Variants in MICU1 observed in about 807,000 individuals in gnomAD.
The protein encoded by MICU1 is calcium uptake protein 1, mitochondrial.
MICU1 carries 45 observed loss-of-function variants against 56.8 expected under a neutral mutation model. The ratio of observed to expected loss-of-function variants is 0.79; its 90% CI spans 0.62 to 1.02. MICU1 has a LOEUF of 1.02. MICU1 is among the 50% of genes least tolerant of loss of function. MICU1 has a pLI of 0.00. For missense variants in MICU1, 504 were observed against 587.1 expected (o/e 0.86, Z 1.46); for synonymous variants, 186 against 195.1 (o/e 0.95, Z 0.39).
chr10:72,424,636 G>A (rs556054381), intron 8 of MICU1, among the ~76,000 whole-genome samples: 1 of 152,180 alleles, frequency 6.6e-6, no homozygotes. Flanking sequence ...CACTATAACA[G>A]CCTACAGAGC....
chr10:72,522,109 G>T (rs948939661), intron 5 of MICU1, among the ~76,000 whole-genome samples: 5 of 151,990 alleles, frequency 3.3e-5, no homozygotes, highest in African/African-American at 1.2e-4. Context: ...ATAAATAGAT[G>T]GTCAGGCTAA....
chr10:72,498,326 C>T (rs1184984344), intron 6 of MICU1, among the ~76,000 whole-genome samples: 1 of 152,198 alleles, frequency 6.6e-6, no homozygotes, highest in Non-Finnish European at 1.5e-5. Flanking sequence ...TGGCTCACAC[C>T]TGTAATCCCA....
At chr10:72,398,787 C>G (rs57055105) in intron 10 of MICU1, among the ~76,000 whole-genome samples, 10,876 of 152,042 alleles carry the variant, frequency 0.072, 1,335 homozygotes, top group African/African-American at 0.25. Context: ...CTCTGAAATT[C>G]AGGCAATAAT....
chr10:72,453,293 G>T (rs1865353119), intron 8 of MICU1, among the ~76,000 whole-genome samples: 1 of 152,192 alleles, frequency 6.6e-6, no homozygotes, highest in Non-Finnish European at 1.5e-5. Context: ...TATATTAAAA[G>T]TGAACTATAA....
chr10:72,394,127 T>C (rs1399590689), intron 10 of MICU1, among the ~76,000 whole-genome samples: 1 of 152,116 alleles, frequency 6.6e-6, no homozygotes, highest in Non-Finnish European at 1.5e-5. Context: ...AATAAACATC[T>C]ATTGGCTGGG....
chr10:72,541,244 G>A (rs1053661970), intron 4 of MICU1, among the ~76,000 whole-genome samples: 2 of 152,156 alleles, frequency 1.3e-5, no homozygotes, highest in Non-Finnish European at 2.9e-5. Flanking sequence ...CTTGCTCAGC[G>A]ACCAAAGCAA....
intron 4 of MICU1, among the ~76,000 whole-genome samples, chr10:72,535,021 T>TTTTATTTTA (rs71021503): frequency 0.028 from 2,617 of 93,616 alleles, 158 homozygotes; most frequent in Middle Eastern, 0.044. Context: ...TTTTATTTTA[T>TTTTATTTTA]TTTATTTTAT....
chr10:72,492,227 T>A (rs1866680599), intron 6 of MICU1, among the ~76,000 whole-genome samples: 2 of 152,320 alleles, frequency 1.3e-5, no homozygotes, highest in South Asian at 4.1e-4. Flanking sequence ...GGCAGTGGAA[T>A]GATCTTATTT....
intron 9 of MICU1, among the ~76,000 whole-genome samples, chr10:72,411,249 T>C (rs901764782): frequency 2.6e-5 from 4 of 151,912 alleles, no homozygotes; most frequent in African/African-American, 7.3e-5. Context: ...TTTGGGAAGG[T>C]GAACGGGTTC....
At chr10:72,532,180 T>C (rs1589314869) in intron 5 of MICU1, among the ~76,000 whole-genome samples, 1 of 151,940 alleles carries the variant, frequency 6.6e-6, no homozygotes. Context: ...TAGCTGGGCA[T>C]GGTGGCGGGA....
At chr10:72,423,183 T>C in intron 9 of MICU1, 51 bp downstream of exon 9, 1 of 1,580,464 alleles carries the variant, frequency 6.3e-7, no homozygotes, top group South Asian at 1.2e-5. Context: ...TATTAAATAA[T>C]AACCATACAT....
intron 8 of MICU1, among the ~76,000 whole-genome samples, chr10:72,456,819 G>A (rs1047708267): frequency 1.3e-5 from 2 of 150,184 alleles, no homozygotes; most frequent in African/African-American, 2.5e-5. Flanking sequence ...TTCCCAAGTA[G>A]CTGGGATGCA....
At chr10:72,477,535 C>G in intron 6 of MICU1, 1 of 1,535,486 alleles carries the variant, frequency 6.5e-7, no homozygotes, top group East Asian at 2.4e-5. Context: ...TTTAGCTTTG[C>G]TTTCAGAGAC....
chr10:72,511,781 T>C (rs770173997), intron 5 of MICU1, among the ~76,000 whole-genome samples: 11 of 152,218 alleles, frequency 7.2e-5, no homozygotes, highest in Non-Finnish European at 1.3e-4. Context: ...ATAAATGCTG[T>C]GATAATACAC....
At chr10:72,595,233 C>A (rs1183319539) in intron 1 of MICU1, among the ~76,000 whole-genome samples, 1 of 108,004 alleles carries the variant, frequency 9.3e-6, no homozygotes, top group African/African-American at 2.5e-5. Flanking sequence ...AGGCAGATCA[C>A]TTAAGGTTAG....
At chr10:72,522,439 A>T (rs1317653211) in intron 5 of MICU1, among the ~76,000 whole-genome samples, 1 of 152,204 alleles carries the variant, frequency 6.6e-6, no homozygotes, top group Non-Finnish European at 1.5e-5. Context: ...GGATGTAAAG[A>T]TATTTTAATA....
intron 9 of MICU1, among the ~76,000 whole-genome samples, chr10:72,414,882 C>T (rs933863487): frequency 5.9e-5 from 9 of 152,100 alleles, no homozygotes; most frequent in African/African-American, 1.9e-4. Flanking sequence ...ACAGCAAATC[C>T]GTCTACCAGA....
At chr10:72,493,210 C>T (rs1273284700) in intron 6 of MICU1, among the ~76,000 whole-genome samples, 1 of 151,584 alleles carries the variant, frequency 6.6e-6, no homozygotes. Flanking sequence ...CACACACACA[C>T]ACCCACACAC....
chr10:72,494,032 C>T (rs1219474285), intron 6 of MICU1, among the ~76,000 whole-genome samples: 2 of 152,110 alleles, frequency 1.3e-5, no homozygotes, highest in Non-Finnish European at 2.9e-5. Context: ...GGAAAATTGC[C>T]TCTTCAAAGA....
Sources: gnomAD v4.1 joint callset for allele counts (sites outside exome capture counted in the v4.1 genomes callset) on GRCh38, gnomAD v4.1.1 for gene constraint, MANE v1.5 for transcripts, NCBI Gene and HGNC (gene_info 2026-07-23, HGNC 2026-07-21) for gene names.